LOC128125817: variants seen among roughly 807,000 people sequenced by gnomAD.
the LOC128125817 span, among the ~76,000 whole-genome samples, chr1:41,617,366 G>A: frequency 2.0e-5 from 3 of 152,212 alleles, no homozygotes; most frequent in Non-Finnish European, 2.9e-5. Flanking sequence ...AATGAGCCAT[G>A]TCATTTTCAC....
At chr1:41,618,534 G>A in the LOC128125817 span, among the ~76,000 whole-genome samples, 4 of 152,070 alleles carry the variant, frequency 2.6e-5, no homozygotes, top group African/African-American at 4.8e-5. Context: ...TGCCATCCTC[G>A]GGCACCACTC....
At chr1:41,622,266 A>G in the LOC128125817 span, among the ~76,000 whole-genome samples, 3 of 152,300 alleles carry the variant, frequency 2.0e-5, no homozygotes, top group South Asian at 6.2e-4. Context: ...GTACCACAGA[A>G]TCCCAGAGTA....
the LOC128125817 span, among the ~76,000 whole-genome samples, chr1:41,595,114 T>C: frequency 6.6e-6 from 1 of 152,202 alleles, no homozygotes; most frequent in Admixed American, 6.5e-5. Context: ...TAATTCCCCA[T>C]GTGAATATTG....
At chr1:41,606,631 C>G in the LOC128125817 span, among the ~76,000 whole-genome samples, 8 of 151,834 alleles carry the variant, frequency 5.3e-5, no homozygotes, top group African/African-American at 1.9e-4. Context: ...ATTTTGGGTT[C>G]CTTTTTTGAT....
the LOC128125817 span, among the ~76,000 whole-genome samples, chr1:41,591,893 G>A: frequency 6.6e-6 from 1 of 152,080 alleles, no homozygotes; most frequent in East Asian, 1.9e-4. Context: ...CCGACCCAAC[G>A]AGAGCGGGCT....
chr1:41,607,674 C>T, the LOC128125817 span, among the ~76,000 whole-genome samples: 1 of 151,534 alleles, frequency 6.6e-6, no homozygotes, highest in African/African-American at 2.4e-5. Context: ...TTTGGTTATC[C>T]AATATATTTA....
At chr1:41,605,964 G>A in the LOC128125817 span, among the ~76,000 whole-genome samples, 1 of 152,328 alleles carries the variant, frequency 6.6e-6, no homozygotes, top group Non-Finnish European at 1.5e-5. Flanking sequence ...GGACAGATGT[G>A]TTAGGATGGC....
At chr1:41,585,577 T>C in the LOC128125817 span, among the ~76,000 whole-genome samples, 2 of 152,098 alleles carry the variant, frequency 1.3e-5, no homozygotes, top group African/African-American at 4.8e-5. Flanking sequence ...ACTGTGGCCA[T>C]GTGGGATGCT....
chr1:41,618,029 T>G, the LOC128125817 span, among the ~76,000 whole-genome samples: 2 of 152,180 alleles, frequency 1.3e-5, no homozygotes, highest in Admixed American at 6.5e-5. Flanking sequence ...TGCCTGCTGG[T>G]TCCTAGGAAC....
chr1:41,620,910 GTTC>G, the LOC128125817 span, among the ~76,000 whole-genome samples: 28 of 152,206 alleles, frequency 1.8e-4, no homozygotes, highest in Non-Finnish European at 3.8e-4. Flanking sequence ...GCCTTGGCCT[GTTC>G]TTCTTCCACC....
chr1:41,587,318 C>T, the LOC128125817 span, among the ~76,000 whole-genome samples: 1 of 152,190 alleles, frequency 6.6e-6, no homozygotes, highest in Non-Finnish European at 1.5e-5. Context: ...CTCCTATGAG[C>T]AGTCAAAGGC....
chr1:41,625,186 A>G, the LOC128125817 span, among the ~76,000 whole-genome samples: 1 of 141,288 alleles, frequency 7.1e-6, no homozygotes, highest in South Asian at 2.2e-4. Context: ...AAAAAAAAAA[A>G]AAAAAAGAAT....
the LOC128125817 span, among the ~76,000 whole-genome samples, chr1:41,603,629 G>A: frequency 6.6e-6 from 1 of 152,132 alleles, no homozygotes; most frequent in African/African-American, 2.4e-5. Flanking sequence ...CAAAGTGCTG[G>A]GATTACAGGT....
chr1:41,602,696 G>A, the LOC128125817 span, among the ~76,000 whole-genome samples: 2 of 151,764 alleles, frequency 1.3e-5, no homozygotes, highest in South Asian at 2.1e-4. Context: ...TAGTTTCATT[G>A]ATTTTTTTCC....
the LOC128125817 span, among the ~76,000 whole-genome samples, chr1:41,588,392 G>C: frequency 2.6e-5 from 4 of 152,170 alleles, no homozygotes; most frequent in Non-Finnish European, 4.4e-5. Flanking sequence ...CAATCTGAGT[G>C]GGGGTCAGCT....
At chr1:41,607,872 T>C in the LOC128125817 span, among the ~76,000 whole-genome samples, 4 of 152,220 alleles carry the variant, frequency 2.6e-5, no homozygotes, top group Non-Finnish European at 1.5e-5. Flanking sequence ...ATCTTGGTCT[T>C]CTGATATCCA....
chr1:41,598,406 A>AAT, the LOC128125817 span, among the ~76,000 whole-genome samples: 1 of 152,240 alleles, frequency 6.6e-6, no homozygotes, highest in African/African-American at 2.4e-5. Context: ...AATACACAAT[A>AAT]ATATATACAC....
the LOC128125817 span, among the ~76,000 whole-genome samples, chr1:41,589,234 TGG>T: frequency 6.6e-6 from 1 of 152,068 alleles, no homozygotes; most frequent in Admixed American, 6.5e-5. Context: ...CAGAAGAGGA[TGG>T]ACAGCCTCTA....
the LOC128125817 span, among the ~76,000 whole-genome samples, chr1:41,588,398 C>T: frequency 1.3e-5 from 2 of 152,254 alleles, no homozygotes; most frequent in Non-Finnish European, 2.9e-5. Context: ...GAGTGGGGGT[C>T]AGCTGGCCAG....
Sources: allele counts gnomAD v4.1 joint callset (sites outside exome capture counted in the v4.1 genomes callset), GRCh38; gene constraint gnomAD v4.1.1; transcripts MANE v1.5.